The following FAM227B variants were observed in gnomAD, a reference collection of about 807,000 sequenced individuals.
The protein encoded by FAM227B is protein FAM227B.
FAM227B carries 88 observed loss-of-function variants against 73.8 expected under a neutral mutation model. The observed-to-expected ratio is 1.19, with a 90% CI of 1.00 to 1.42. The LOEUF is 1.42. FAM227B is among the 40% of genes most tolerant of loss of function. The pLI is 0.00. For synonymous variants in FAM227B, 210 were observed against 190.5 expected (o/e 1.10, Z -0.84); for missense variants, 632 against 590.9 (o/e 1.07, Z -0.72).
At position 49,491,223 on chromosome 15, in the gene FAM227B, A is replaced by C. The variant is rs137879358; in HGVS notation, c.1012+16988T>G. On this transcript the variant is annotated intron_variant, in intron 11 of 15. Transcript: ENST00000299338. ...ATTACTTCATGCCTAGAATTTAGCA[A>C]TAGCTCCTTAATCTTTCTTGTTTCA... Among the ~76,000 whole-genome samples, 55 of 152,014 alleles carry C rather than the reference A, an allele frequency of 3.6e-4. 1 individual carries two copies. In the East Asian group the frequency reaches 0.01, roughly 29 times the overall value.
intron 9 of FAM227B, among the ~76,000 whole-genome samples, chr15:49,550,691 G>A (rs4265755): frequency 0.25 from 37,889 of 151,298 alleles, 5,707 homozygotes; most frequent in Non-Finnish European, 0.35. Flanking sequence ...ATGGGCGGCC[G>A]GGCAGAGACG....
chr15:49,483,963 A>C (rs1183219475), intron 11 of FAM227B, among the ~76,000 whole-genome samples: 2 of 152,054 alleles, frequency 1.3e-5, no homozygotes, highest in African/African-American at 4.8e-5. Context: ...CCAAATTTCC[A>C]GTGGTTAAAG....
chr15:49,499,787 T>C (rs1354596180), intron 11 of FAM227B, among the ~76,000 whole-genome samples: 2 of 152,288 alleles, frequency 1.3e-5, no homozygotes, highest in Non-Finnish European at 2.9e-5. Flanking sequence ...TTTCAACAAA[T>C]GGTGCTAAAG....
At chr15:49,485,781 T>C (rs2056355276) in intron 11 of FAM227B, 2 of 152,376 alleles carry the variant, frequency 1.3e-5, no homozygotes, top group Admixed American at 1.3e-4. Context: ...ATTTTAAAGT[T>C]AGAATATATT....
chr15:49,574,431 G>C (rs946969517), intron 8 of FAM227B, among the ~76,000 whole-genome samples: 2 of 152,140 alleles, frequency 1.3e-5, no homozygotes, highest in African/African-American at 4.8e-5. Context: ...AATAGTCAGT[G>C]AGTTCTCATG....
chr15:49,327,842 G>C lies in FAM227B; in HGVS notation c.*726C>G, dbSNP rs188838086. The C allele has an allele frequency of 7.2e-6, 7 of 970,180 alleles. 1 individual carries two copies. The African/African-American group carries it at 9.8e-5, about 14-fold the overall frequency. The allele number at this position is 970,180 out of a possible 1,614,324, so 60.1% of individuals were successfully genotyped here. On this transcript the variant is annotated 3_prime_UTR_variant, in exon 16 of 16. Transcript: ENST00000299338. Reference sequence around the variant, plus strand: ...ATGTTTGATGACACCTAAAAACCCCGCATGTATTTTCTTCTTAGAACTTAG... The same window carrying C: ...ATGTTTGATGACACCTAAAAACCCCCCATGTATTTTCTTCTTAGAACTTAG...
At chr15:49,426,108 T>C (rs1459314479) in intron 11 of FAM227B, among the ~76,000 whole-genome samples, 1 of 151,654 alleles carries the variant, frequency 6.6e-6, no homozygotes, top group African/African-American at 2.4e-5. Context: ...AGGTAAAAAT[T>C]ATGACACATG....
At chr15:49,340,413 T>TCC (rs1185588384) in intron 13 of FAM227B, among the ~76,000 whole-genome samples, 17 of 64,502 alleles carry the variant, frequency 2.6e-4, no homozygotes, top group African/African-American at 3.2e-4. Flanking sequence ...GCCCCCCCCC[T>TCC]CCCCCCCCCG....
At chr15:49,567,976 T>C (rs933393552) in intron 9 of FAM227B, among the ~76,000 whole-genome samples, 4 of 151,944 alleles carry the variant, frequency 2.6e-5, no homozygotes, top group African/African-American at 7.2e-5. Context: ...GGAACATACA[T>C]AGAATGACTC....
chr15:49,551,054 C>T (rs903683272), intron 9 of FAM227B, among the ~76,000 whole-genome samples: 6 of 152,248 alleles, frequency 3.9e-5, no homozygotes, highest in Admixed American at 3.3e-4. Flanking sequence ...CCGAGGCTGG[C>T]GGATCACTCG....
At chr15:49,393,032 G>C (rs918468394) in intron 11 of FAM227B, among the ~76,000 whole-genome samples, 1 of 152,148 alleles carries the variant, frequency 6.6e-6, no homozygotes, top group African/African-American at 2.4e-5. Context: ...GAAAAGAGGA[G>C]CAAAGGAGTA....
chr15:49,530,637 ATG>A (rs1413179413), intron 10 of FAM227B, among the ~76,000 whole-genome samples: 1 of 151,886 alleles, frequency 6.6e-6, no homozygotes, highest in Non-Finnish European at 1.5e-5. Context: ...ATTGAATTGT[ATG>A]TATCTCTAAA....
intron 9 of FAM227B, among the ~76,000 whole-genome samples, chr15:49,559,228 T>C (rs1024020142): frequency 6.6e-6 from 1 of 151,904 alleles, no homozygotes; most frequent in Non-Finnish European, 1.5e-5. Flanking sequence ...CCCTGCAGAG[T>C]CTTTAGTGCA....
intron 11 of FAM227B, among the ~76,000 whole-genome samples, chr15:49,416,934 G>A (rs964375860): frequency 1.3e-5 from 2 of 152,112 alleles, no homozygotes. Flanking sequence ...TGGATAGGAA[G>A]AATCAAGATC....
chr15:49,403,579 G>A lies in FAM227B; in HGVS notation c.1013-32180C>T, dbSNP rs530591709. ...GTGTTTATAGTATTCTCTGATGGTT[G>A]TTTGTATTTCTGTGAGCTAGGGGTA... On this transcript the variant is annotated intron_variant, in intron 11 of 15. Transcript: ENST00000299338. 7.6e-4 allele frequency among the ~76,000 whole-genome samples: 115 copies of A among 152,154 alleles called. 1 individual carries two copies. Among genetic ancestry groups the A allele is most frequent in the Non-Finnish European group, 1.3e-3 (86 of 67,996 alleles).
chr15:49,586,761 A>G (rs955148754), intron 5 of FAM227B, among the ~76,000 whole-genome samples: 4 of 152,344 alleles, frequency 2.6e-5, no homozygotes, highest in African/African-American at 9.6e-5. Context: ...ATATGCAGCC[A>G]ACAAACATGA....
intron 11 of FAM227B, among the ~76,000 whole-genome samples, chr15:49,498,800 A>G (rs924771805): frequency 3.3e-5 from 5 of 152,360 alleles, no homozygotes; most frequent in African/African-American, 9.6e-5. Context: ...ATGGAAAACA[A>G]AAAGAGCAAG....
chr15:49,472,635 C>T (rs1262114017), intron 11 of FAM227B, among the ~76,000 whole-genome samples: 2 of 152,066 alleles, frequency 1.3e-5, no homozygotes, highest in South Asian at 2.1e-4. Flanking sequence ...AAAATGCGTA[C>T]ATATGATTGA....
At chr15:49,535,054 A>G (rs1413071623) in intron 10 of FAM227B, among the ~76,000 whole-genome samples, 1 of 151,794 alleles carries the variant, frequency 6.6e-6, no homozygotes, top group Non-Finnish European at 1.5e-5. Flanking sequence ...AATTAAAATC[A>G]AAGTTAGCAG....
Sources: allele counts gnomAD v4.1 joint callset (sites outside exome capture counted in the v4.1 genomes callset), GRCh38; gene constraint gnomAD v4.1.1; transcripts MANE v1.5; gene names NCBI Gene and HGNC (gene_info 2026-07-23, HGNC 2026-07-21).